Variants in SOX5 observed in about 807,000 individuals in gnomAD.
SOX5 encodes the protein SRY-box transcription factor 5.
A neutral mutation model predicts 92.0 loss-of-function variants in SOX5; 9 were observed. The ratio of observed to expected loss-of-function variants is 0.10; its 90% CI spans 0.06 to 0.17. The LOEUF (loss-of-function observed/expected upper bound fraction) is 0.17. SOX5 is among the 10% of genes least tolerant of loss of function. The pLI is 1.00. For synonymous variants in SOX5, 344 were observed against 336.3 expected, an observed-to-expected ratio of 1.02 and a Z score of -0.25; for missense variants, 642 against 944.5, an observed-to-expected ratio of 0.68 and a Z score of 4.20.
intron 1 of SOX5, among the ~76,000 whole-genome samples, chr12:23,898,856 T>A (rs538663063): frequency 6.6e-6 from 1 of 152,182 alleles, no homozygotes; most frequent in African/African-American, 2.4e-5. Flanking sequence ...AGGTAAAAGA[T>A]TGCTTAAAGA....
intron 9 of SOX5, among the ~76,000 whole-genome samples, chr12:23,577,160 C>CAA: frequency 1.1e-5 from 1 of 90,450 alleles, no homozygotes; most frequent in Admixed American, 1.6e-4. Flanking sequence ...TACACACACA[C>CAA]ACACACACAC....
At chr12:23,553,377 A>G (rs1429291104) in intron 11 of SOX5, among the ~76,000 whole-genome samples, 1 of 152,048 alleles carries the variant, frequency 6.6e-6, no homozygotes, top group Non-Finnish European at 1.5e-5. Flanking sequence ...AAAAATCCCT[A>G]TGGCCCGGAT....
In SOX5 at chr12:24,252,304, G is replaced by A. The variant is rs1217024142; in HGVS notation, c.-77+24912C>T. 4.6e-5 allele frequency among the ~76,000 whole-genome samples: 7 copies of A among 152,088 alleles called. No homozygotes were observed. The East Asian group carries it at 1.2e-3, about 25-fold the overall frequency. ...TATAAGAATCATAGCAAAGACCTAC[G>A]AAATTTTACCTCTAGTATTTAAGCA... On this transcript the variant is annotated intron_variant, in intron 3 of 4. Transcript: ENST00000446891.
At chr12:23,787,378 T>C (rs995488115) in intron 3 of SOX5, among the ~76,000 whole-genome samples, 3 of 151,984 alleles carry the variant, frequency 2.0e-5, no homozygotes, top group Non-Finnish European at 4.4e-5. Flanking sequence ...TTGGTCTCAC[T>C]TTTTTCCATT....
At chr12:24,507,282 A>C (rs901195410) in intron 1 of SOX5, among the ~76,000 whole-genome samples, 2 of 152,012 alleles carry the variant, frequency 1.3e-5, no homozygotes, top group African/African-American at 2.4e-5. Flanking sequence ...CCTAAAAATT[A>C]GGTATATAAG....
At chr12:23,924,577 T>C (rs1349508133) in intron 1 of SOX5, among the ~76,000 whole-genome samples, 1 of 152,150 alleles carries the variant, frequency 6.6e-6, no homozygotes, top group Non-Finnish European at 1.5e-5. Flanking sequence ...AATATTACAT[T>C]TGTAAAGTCT....
intron 3 of SOX5, among the ~76,000 whole-genome samples, chr12:24,241,333 A>T (rs1354320844): frequency 1.3e-5 from 2 of 152,296 alleles, no homozygotes; most frequent in East Asian, 3.9e-4. Context: ...GCCTGATTTC[A>T]TTACAAAAGC....
intron 3 of SOX5, among the ~76,000 whole-genome samples, chr12:24,242,895 T>C (rs1249155179): frequency 1.3e-5 from 2 of 152,172 alleles, no homozygotes; most frequent in South Asian, 2.1e-4. Flanking sequence ...TAAGTGTATA[T>C]GTACAAAAAT....
intron 3 of SOX5, among the ~76,000 whole-genome samples, chr12:23,762,296 G>T (rs2094582258): frequency 6.6e-6 from 1 of 152,096 alleles, no homozygotes; most frequent in Non-Finnish European, 1.5e-5. Flanking sequence ...TACTCAGGAG[G>T]CTGAGGCGAG....
intron 3 of SOX5, among the ~76,000 whole-genome samples, chr12:23,760,102 C>T (rs948642275): frequency 6.6e-6 from 1 of 151,962 alleles, no homozygotes; most frequent in Non-Finnish European, 1.5e-5. Flanking sequence ...ATCATGATTA[C>T]CTTCAAAGTA....
At chr12:24,166,658 C>T (rs905894396) in intron 4 of SOX5, among the ~76,000 whole-genome samples, 1 of 152,092 alleles carries the variant, frequency 6.6e-6, no homozygotes, top group African/African-American at 2.4e-5. Context: ...CCTATTTTTG[C>T]TTATTTTAAT....
At chr12:24,112,490 A>G (rs958980364) in intron 4 of SOX5, among the ~76,000 whole-genome samples, 2 of 143,552 alleles carry the variant, frequency 1.4e-5, no homozygotes, top group African/African-American at 5.1e-5. Context: ...ATGGAATGTG[A>G]CTGCAGGGAT....
intron 4 of SOX5, among the ~76,000 whole-genome samples, chr12:23,972,076 A>G (rs1948404483): frequency 6.6e-6 from 1 of 152,198 alleles, no homozygotes; most frequent in Admixed American, 6.5e-5. Flanking sequence ...AGAACACAAA[A>G]GAGATTAAAA....
chr12:23,643,424 T>C (rs905274160), intron 7 of SOX5, among the ~76,000 whole-genome samples: 1 of 152,200 alleles, frequency 6.6e-6, no homozygotes, highest in East Asian at 1.9e-4. Flanking sequence ...GGTTGAGGTA[T>C]TTATTAGACA....
intron 6 of SOX5, among the ~76,000 whole-genome samples, chr12:23,666,496 T>A (rs1304999706): frequency 6.6e-6 from 1 of 152,222 alleles, no homozygotes; most frequent in Non-Finnish European, 1.5e-5. Flanking sequence ...TGTCACTAAC[T>A]AAAATACTTT....
intron 3 of SOX5, among the ~76,000 whole-genome samples, chr12:24,267,871 AG>A (rs1943220589): frequency 6.6e-6 from 1 of 152,212 alleles, no homozygotes; most frequent in African/African-American, 2.4e-5. Context: ...ACTTTTAAAA[AG>A]TAATAAAACT....
chr12:23,856,683 C>A (rs2096694460), intron 2 of SOX5, among the ~76,000 whole-genome samples: 1 of 152,066 alleles, frequency 6.6e-6, no homozygotes, highest in African/African-American at 2.4e-5. Flanking sequence ...GGTTTTCTCT[C>A]TCTTCAAAGA....
intron 2 of SOX5, among the ~76,000 whole-genome samples, chr12:24,340,178 C>T (rs555897022): frequency 1.3e-5 from 2 of 152,370 alleles, no homozygotes; most frequent in South Asian, 4.1e-4. Context: ...GGGAACCCAA[C>T]CTGAAACAAC....
At chr12:24,268,476 C>T (rs927548473) in intron 3 of SOX5, among the ~76,000 whole-genome samples, 1 of 151,940 alleles carries the variant, frequency 6.6e-6, no homozygotes, top group Non-Finnish European at 1.5e-5. Context: ...AAACAATTTA[C>T]AACGATTTTT....
Sources: allele counts gnomAD v4.1 joint callset (sites outside exome capture counted in the v4.1 genomes callset), GRCh38; gene constraint gnomAD v4.1.1; transcripts MANE v1.5; gene names NCBI Gene and HGNC (gene_info 2026-07-23, HGNC 2026-07-21).